The following TUBGCP2 variants were observed in gnomAD, a reference collection of about 807,000 sequenced individuals.
TUBGCP2 encodes tubulin gamma complex component 2.
TUBGCP2 carries 55 observed loss-of-function variants against 92.2 expected under a neutral mutation model. That is an observed-to-expected ratio of 0.60 (90% CI 0.48 to 0.75). The LOEUF (loss-of-function observed/expected upper bound fraction) is 0.75, where lower values mean the gene tolerates loss of function less well. TUBGCP2 is among the 30% of genes least tolerant of loss of function. The pLI is 0.00. For missense variants in TUBGCP2, 1,093 were observed against 1,188.9 expected (o/e 0.92, Z 1.19); for synonymous variants, 533 against 505.2 (o/e 1.06, Z -0.74).
intron 15 of TUBGCP2, among the ~76,000 whole-genome samples, chr10:133,282,764 G>C (rs1388226729): frequency 6.6e-6 from 1 of 152,192 alleles, no homozygotes; most frequent in African/African-American, 2.4e-5. Context: ...GTCCTTAACG[G>C]AATCAAATAG....
At chr10:133,293,845 G>T in intron 5 of TUBGCP2, 76 bp from the exon 6 acceptor site, 2 of 1,377,664 alleles carry the variant, frequency 1.5e-6, no homozygotes, top group Non-Finnish European at 1.0e-6. Flanking sequence ...TCATCTGCGG[G>T]TCAGTCTCAC....
intron 13 of TUBGCP2, among the ~76,000 whole-genome samples, chr10:133,284,261 G>A (rs1458799023): frequency 2.0e-5 from 3 of 152,258 alleles, no homozygotes; most frequent in East Asian, 1.9e-4. Flanking sequence ...AGACTGGGAC[G>A]CGGGCTCCTT....
At chr10:133,310,313 G>A (rs772257177), upstream of TUBGCP2, 36 of 1,612,460 alleles carry the variant, frequency 2.2e-5, no homozygotes, top group Non-Finnish European at 3.0e-5. Context: ...GGCTCAGCAC[G>A]TGTCTGCTTT....
chr10:133,298,187 A>G (rs749678395), intron 4 of TUBGCP2, 76 bp from the exon 5 acceptor site: 1 of 1,478,666 alleles, frequency 6.8e-7, no homozygotes, highest in Non-Finnish European at 9.2e-7. Flanking sequence ...ACATGCATAG[A>G]AGCTAGCATC....
intron 16 of TUBGCP2, among the ~76,000 whole-genome samples, chr10:133,281,809 C>T (rs973659524): frequency 2.6e-5 from 4 of 152,242 alleles, no homozygotes; most frequent in East Asian, 1.9e-4. Flanking sequence ...CGTGTGAACA[C>T]GGGACTGCCC....
rs183364041 is a variant in TUBGCP2, at chr10:133,280,234, C to T, written c.2574-333G>A. ...TGCTCAAAGGCACAAACACAGGTTT[C>T]TTCTCTCCTGGCCCCAGAAAGTTGG... is the stretch of plus-strand genomic sequence containing the variant. On this transcript the variant is annotated intron_variant, in intron 17 of 17. Transcript: ENST00000252936. 2.0e-5 allele frequency among the ~76,000 whole-genome samples: 3 copies of T among 152,324 alleles called. No homozygotes were observed. The East Asian group carries it at 5.8e-4, about 29-fold the overall frequency.
rs373693348 is a variant in TUBGCP2, at chr10:133,282,258, C to A, written c.2374G>T (p.Ala792Ser). Residue 792 changes from alanine to serine, a missense_variant, in exon 16 of 18, where the codon GCC (alanine) becomes TCC (serine). By Grantham distance (99) the Ala-to-Ser change is moderately conservative (BLOSUM62 1). Coordinates refer to ENST00000252936, the MANE Select transcript of TUBGCP2 (RefSeq NM_006659.4). ...AGCTCCTTCCGGGCCCGCTCCTCGG[C>A]CCCTGCGGGCAGCCCCAGGACGGTG... ...HSTVLGLPAGAEERARKELAR... is the reference protein window; with the variant it reads ...HSTVLGLPAGSEERARKELAR... 3.8e-5 allele frequency: 62 copies of A among 1,611,742 alleles called. No homozygotes were observed. In the African/African-American group the frequency reaches 6.8e-4, roughly 18 times the overall value.
Position 133,285,302 on chromosome 10 carries a change from GC to G in TUBGCP2, c.1896-90del, listed in dbSNP as rs753008095. 2 of 1,595,458 alleles carry G rather than the reference GC, an allele frequency of 1.3e-6. No homozygotes were observed. Among genetic ancestry groups the G allele is most frequent in the Non-Finnish European group, 1.7e-6 (2 of 1,174,336 alleles). ...TCTGTACTCCACAGTCCGCACCGTG[GC>G]CCCCGGACAGCCCGTGAATCTCTCG... On this transcript the variant is annotated intron_variant, in intron 12 of 17. Transcript: ENST00000252936. This position sits in a 1 kb window ranked among gnomAD's most constrained non-coding sequence, Gnocchi z 6.8.
Position 133,293,208 on chromosome 10 carries a change from G to T in TUBGCP2, c.855C>A (p.Tyr285Ter), listed in dbSNP as rs150131271. The change falls in exon 7 of 18, where the codon TAC (tyrosine) becomes TAA (stop). Residue 285 changes from tyrosine to a stop codon, truncating the protein, a stop_gained. Transcript: ENST00000252936. LOFTEE classifies it high-confidence loss of function. ...RFIEEKSSFE[Y>*]GQVNHALAAA... ...CCGCCAGGGCGTGGTTCACCTGCCC[G>T]TACTCGAAGGAAGACTTCTCTTCAA... The T allele has an allele frequency of 3.1e-6, 5 of 1,613,634 alleles. No individual in the cohort carries two copies. The Admixed American group carries it at 8.3e-5, about 27-fold the overall frequency.
intron 1 of TUBGCP2, among the ~76,000 whole-genome samples, chr10:133,304,924 C>T (rs559415047): frequency 6.6e-6 from 1 of 152,254 alleles, no homozygotes; most frequent in South Asian, 2.1e-4. Context: ...GTGATGCCAG[C>T]GTCTGGGAAG....
chr10:133,290,989 C>G (rs7081338), intron 8 of TUBGCP2: 120,015 of 164,612 alleles, frequency 0.73, 45,972 homozygotes, highest in East Asian at 0.96. Context: ...ATATTTTTAT[C>G]CATTTAAATA....
intron 13 of TUBGCP2, among the ~76,000 whole-genome samples, chr10:133,284,514 G>A (rs757660548): frequency 5.3e-5 from 8 of 152,048 alleles, no homozygotes; most frequent in African/African-American, 1.9e-4. Context: ...AGGCATTCCC[G>A]GCTAATTAAA....
intron 5 of TUBGCP2, chr10:133,297,450 T>G (rs1270534661): frequency 8.9e-6 from 4 of 449,760 alleles, no homozygotes; most frequent in Non-Finnish European, 1.3e-5. Flanking sequence ...TTGTGACAGA[T>G]GAACACATCC....
rs1589829165 is a variant in TUBGCP2, at chr10:133,292,384, C to T, written c.1214+115G>A. On this transcript the variant is annotated intron_variant, in intron 8 of 17. Coordinates refer to ENST00000252936, the MANE Select transcript of TUBGCP2 (RefSeq NM_006659.4). ...GTGTCCCTCCGTGTCCCCCGTGTCC[C>T]CGTGTCCCGGGGAGCCCTACCTGTA... is the stretch of plus-strand genomic sequence containing the variant. 1.0e-5 allele frequency: 2 copies of T among 194,886 alleles called. 1 individual carries two copies. The highest frequency in any genetic ancestry group is 2.8e-4 in the East Asian group (2 of 7,180). 12.1% of individuals were successfully genotyped at this position (194,886 alleles called of 1,614,324 possible).
In TUBGCP2 at chr10:133,278,813, C is replaced by T. The variant is rs1846888276; in HGVS notation, c.*953G>A. On this transcript the variant is annotated 3_prime_UTR_variant, in exon 18 of 18. Transcript: ENST00000252936. ...CCCCGCAGGATCCTGTTCTAGCTAT[C>T]CTTTCTCCCAACCTCGCCTCCAGGG... 1 of 152,186 alleles carries T rather than the reference C, an allele frequency of 6.6e-6. No individual in the cohort carries two copies. The allele number at this position is 152,186 out of a possible 1,614,324, so 9.4% of individuals were successfully genotyped here. A position where few individuals can be genotyped will look rare whatever the true frequency, so the allele number is the denominator to read the frequency against.
intron 9 of TUBGCP2, among the ~76,000 whole-genome samples, chr10:133,289,396 C>T (rs1398213388): frequency 2.0e-5 from 3 of 152,212 alleles, no homozygotes; most frequent in Non-Finnish European, 2.9e-5. Context: ...CCCGATGTGC[C>T]GAGTCCAAGT....
intron 11 of TUBGCP2, among the ~76,000 whole-genome samples, chr10:133,287,439 CAT>C (rs570450490): frequency 6.6e-6 from 1 of 152,014 alleles, no homozygotes; most frequent in Non-Finnish European, 1.5e-5. Flanking sequence ...ACAGATAAAA[CAT>C]ATATATATTT....
upstream of TUBGCP2, chr10:133,311,754 G>A (rs776705047): frequency 1.7e-5 from 28 of 1,613,704 alleles, no homozygotes; most frequent in Admixed American, 2.7e-4. Flanking sequence ...AGTGGAGAGC[G>A]GTCAGAAGGG....
At chr10:133,310,963 G>A (rs1024170037), upstream of TUBGCP2, among the ~76,000 whole-genome samples, 8 of 152,020 alleles carry the variant, frequency 5.3e-5, no homozygotes, top group Non-Finnish European at 1.0e-4. Flanking sequence ...CGCCGCACTC[G>A]GCAAAATTTT....
Sources: allele counts gnomAD v4.1 joint callset (sites outside exome capture counted in the v4.1 genomes callset), GRCh38; gene constraint gnomAD v4.1.1; non-coding constraint Gnocchi (gnomAD v3.1); transcripts MANE v1.5; gene names NCBI Gene and HGNC (gene_info 2026-07-23, HGNC 2026-07-21).